The following RGPD2 variants were observed in gnomAD, a reference collection of about 807,000 sequenced individuals.
RGPD2 encodes the protein RANBP2-like and GRIP domain-containing protein 2.
In RGPD2, 2 loss-of-function variants were observed where a neutral mutation model predicts 36.0. The ratio of observed to expected loss-of-function variants is 0.06; its 90% CI spans 0.02 to 0.17. RGPD2 has a LOEUF of 0.17. Among genes scored for constraint, RGPD2 ranks in the 10% least tolerant of loss-of-function variants. The pLI, the probability that RGPD2 is intolerant of heterozygous loss-of-function variation, is 1.00. For synonymous variants in RGPD2, 19 were observed against 163.8 expected (o/e 0.12, Z 6.75); for missense variants, 40 against 464.3 (o/e 0.09, Z 8.40).
the RGPD2 span, among the ~76,000 whole-genome samples, chr2:87,970,270 C>A: frequency 6.6e-6 from 1 of 151,866 alleles, no homozygotes; most frequent in South Asian, 2.1e-4. Context: ...ACAACATAAT[C>A]ATTTTTGCTC....
the RGPD2 span, among the ~76,000 whole-genome samples, chr2:87,924,569 G>A: frequency 1.3e-5 from 2 of 152,232 alleles, no homozygotes; most frequent in African/African-American, 2.4e-5. Context: ...GTTACATGTC[G>A]TTTTCCAAGA....
chr2:87,842,182 T>A, the RGPD2 span, among the ~76,000 whole-genome samples: 1 of 152,088 alleles, frequency 6.6e-6, no homozygotes, highest in East Asian at 1.9e-4. Context: ...CCACTCTTAT[T>A]CAACATAGTG....
the RGPD2 span, among the ~76,000 whole-genome samples, chr2:87,978,753 C>T: frequency 1.7e-5 from 2 of 116,218 alleles, no homozygotes; most frequent in Middle Eastern, 3.9e-3. Context: ...CTTGTCTCTG[C>T]CAAAAAAATT....
chr2:87,843,003 G>C, the RGPD2 span, among the ~76,000 whole-genome samples: 1 of 151,278 alleles, frequency 6.6e-6, no homozygotes, highest in East Asian at 2.0e-4. Context: ...AAACTGGCTA[G>C]CCATATGTAG....
chr2:87,866,654 C>T, the RGPD2 span, among the ~76,000 whole-genome samples: 1 of 152,256 alleles, frequency 6.6e-6, no homozygotes, highest in South Asian at 2.1e-4. Flanking sequence ...TTCTCACCCC[C>T]CTTCCCTCCT....
chr2:87,984,260 C>T, the RGPD2 span, among the ~76,000 whole-genome samples: 4 of 152,194 alleles, frequency 2.6e-5, no homozygotes, highest in Non-Finnish European at 4.4e-5. Context: ...GTAAGAATGG[C>T]ACCGGCGAAC....
At chr2:87,846,391 G>A in the RGPD2 span, among the ~76,000 whole-genome samples, 1 of 151,812 alleles carries the variant, frequency 6.6e-6, no homozygotes, top group Non-Finnish European at 1.5e-5. Flanking sequence ...CTCAATTATT[G>A]AACAATTAGA....
chr2:87,879,448 C>T, the RGPD2 span, among the ~76,000 whole-genome samples: 4 of 145,564 alleles, frequency 2.7e-5, no homozygotes, highest in African/African-American at 5.1e-5. Context: ...CCTCACATCC[C>T]CCCACCCCTG....
the RGPD2 span, among the ~76,000 whole-genome samples, chr2:87,986,095 A>G: frequency 1.3e-5 from 2 of 149,428 alleles, no homozygotes; most frequent in Non-Finnish European, 3.0e-5. Flanking sequence ...ACTAAAACCA[A>G]CTACTGAATT....
the RGPD2 span, among the ~76,000 whole-genome samples, chr2:87,937,673 T>G: frequency 1.3e-5 from 2 of 151,908 alleles, no homozygotes; most frequent in Non-Finnish European, 2.9e-5. Context: ...ATTCCTCCCA[T>G]TAGTCCCCAC....
At chr2:87,781,497 CTCAG>C (rs1291988628) in intron 20 of RGPD2, among the ~76,000 whole-genome samples, 4 of 143,396 alleles carry the variant, frequency 2.8e-5, no homozygotes, top group Non-Finnish European at 4.5e-5. Flanking sequence ...CAAAGTCTCA[CTCAG>C]TCAGGCTGGA....
the RGPD2 span, among the ~76,000 whole-genome samples, chr2:87,947,434 C>G: frequency 6.6e-6 from 1 of 152,304 alleles, no homozygotes; most frequent in Non-Finnish European, 1.5e-5. Flanking sequence ...GAAACTCACT[C>G]ATTTCCTGCA....
chr2:87,827,096 CTCTT>C (rs1485892317), upstream of RGPD2, among the ~76,000 whole-genome samples: 1 of 151,744 alleles, frequency 6.6e-6, no homozygotes, highest in East Asian at 1.9e-4. Context: ...CTCTCGTGCT[CTCTT>C]TGTCTAATTT....
the RGPD2 span, among the ~76,000 whole-genome samples, chr2:87,875,106 G>A: frequency 6.6e-6 from 1 of 152,124 alleles, no homozygotes; most frequent in Non-Finnish European, 1.5e-5. Flanking sequence ...GGAGCTTTTG[G>A]GCTGAGATGA....
the RGPD2 span, among the ~76,000 whole-genome samples, chr2:87,857,830 G>T: frequency 6.7e-6 from 1 of 149,980 alleles, no homozygotes; most frequent in Admixed American, 6.6e-5. Context: ...TTATGTTCTG[G>T]TTGCATATGT....
the RGPD2 span, among the ~76,000 whole-genome samples, chr2:87,957,062 G>A: frequency 1.3e-5 from 2 of 151,272 alleles, no homozygotes; most frequent in Non-Finnish European, 2.9e-5. Flanking sequence ...TCCAAATATC[G>A]TCCCAAAGAA....
the RGPD2 span, among the ~76,000 whole-genome samples, chr2:87,979,027 A>G: frequency 6.7e-6 from 1 of 148,608 alleles, no homozygotes; most frequent in East Asian, 2.1e-4. Context: ...TGAGGCCAGG[A>G]GTTTGAGACC....
the RGPD2 span, among the ~76,000 whole-genome samples, chr2:87,844,602 G>A: frequency 6.6e-6 from 1 of 151,434 alleles, no homozygotes; most frequent in Non-Finnish European, 1.5e-5. Flanking sequence ...ATTAATAAAG[G>A]TGAATTAATG....
chr2:87,844,505 G>T, the RGPD2 span, among the ~76,000 whole-genome samples: 1 of 148,310 alleles, frequency 6.7e-6, no homozygotes, highest in Non-Finnish European at 1.5e-5. Context: ...ATATATTTCA[G>T]TGATGATTCA....
Sources: gnomAD v4.1 joint callset for allele counts (sites outside exome capture counted in the v4.1 genomes callset) on GRCh38, gnomAD v4.1.1 for gene constraint, MANE v1.5 for transcripts, NCBI Gene and HGNC (gene_info 2026-07-23, HGNC 2026-07-21) for gene names.